DIP2B: variants seen among roughly 807,000 people sequenced by gnomAD.
DIP2B encodes DIP2 acetate--CoA ligase B (putative).
In DIP2B, 76 loss-of-function variants were observed where a neutral mutation model predicts 198.0. The observed-to-expected ratio is 0.38, with a 90% confidence interval of 0.32 to 0.46. The LOEUF is 0.46. DIP2B is among the 20% of genes least tolerant of loss of function. The pLI is 0.99. For synonymous variants in DIP2B, 701 were observed against 739.1 expected, an observed-to-expected ratio of 0.95 and a Z score of 0.84; for missense variants, 1,559 against 1,978.4, an observed-to-expected ratio of 0.79 and a Z score of 4.02.
intron 4 of DIP2B, among the ~76,000 whole-genome samples, chr12:50,661,593 A>G (rs1335924434): frequency 6.6e-6 from 1 of 152,184 alleles, no homozygotes; most frequent in African/African-American, 2.4e-5. Context: ...CTATCACAGT[A>G]AGACAGTTTG....
intron 3 of DIP2B, among the ~76,000 whole-genome samples, chr12:50,657,964 A>G (rs2139509049): frequency 6.6e-6 from 1 of 152,154 alleles, no homozygotes; most frequent in South Asian, 2.1e-4. Flanking sequence ...AATAGTTTGT[A>G]TCAATGTTGA....
intron 1 of DIP2B, among the ~76,000 whole-genome samples, chr12:50,514,610 T>A (rs1278138175): frequency 6.6e-6 from 1 of 152,160 alleles, no homozygotes; most frequent in Non-Finnish European, 1.5e-5. Context: ...CTCTCTTTGT[T>A]TCTTTCATCT....
At chr12:50,602,857 CAA>C (rs71086464) in intron 1 of DIP2B, among the ~76,000 whole-genome samples, 48 of 91,490 alleles carry the variant, frequency 5.2e-4, no homozygotes, top group African/African-American at 1.5e-3. Context: ...GACTCTGTCT[CAA>C]AAAAAAAAAA....
intron 1 of DIP2B, among the ~76,000 whole-genome samples, chr12:50,526,732 G>A (rs1282635664): frequency 3.2e-4 from 1 of 3,106 alleles, no homozygotes; most frequent in Non-Finnish European, 0.011. Flanking sequence ...TGCCTCCCGG[G>A]TTCAAGCGAT....
At chr12:50,506,757 A>G (rs1196967850) in intron 1 of DIP2B, among the ~76,000 whole-genome samples, 1 of 152,226 alleles carries the variant, frequency 6.6e-6, no homozygotes, top group Non-Finnish European at 1.5e-5. Context: ...TCTGTCTCTC[A>G]AGATAACTCA....
At chr12:50,735,771 A>G (rs530287342) in intron 34 of DIP2B, among the ~76,000 whole-genome samples, 3 of 152,256 alleles carry the variant, frequency 2.0e-5, no homozygotes, top group East Asian at 1.9e-4. Context: ...GCCCGGTTCT[A>G]TCTTACAAAC....
chr12:50,592,801 A>G (rs1402530872), intron 1 of DIP2B, among the ~76,000 whole-genome samples: 4 of 152,212 alleles, frequency 2.6e-5, no homozygotes, highest in Non-Finnish European at 2.9e-5. Context: ...TTAGTGGTTC[A>G]TAACTAATAG....
intron 37 of DIP2B, among the ~76,000 whole-genome samples, chr12:50,742,645 C>T (rs1350153543): frequency 6.6e-6 from 1 of 152,154 alleles, no homozygotes; most frequent in Non-Finnish European, 1.5e-5. Context: ...CCTATAATCC[C>T]AGCACTTTGG....
intron 1 of DIP2B, among the ~76,000 whole-genome samples, chr12:50,591,755 C>T (rs1240315754): frequency 6.6e-6 from 1 of 152,006 alleles, no homozygotes. Context: ...CCACCGTGCC[C>T]AGCCATATGA....
chr12:50,704,318 A>G, intron 20 of DIP2B, 98 bp downstream of exon 20: 1 of 1,112,806 alleles, frequency 9.0e-7, no homozygotes, highest in South Asian at 1.7e-5. Flanking sequence ...CAAGAGTGTT[A>G]CAGAACCACT....
At chr12:50,595,301 A>T (rs1418533424) in intron 1 of DIP2B, among the ~76,000 whole-genome samples, 1 of 152,090 alleles carries the variant, frequency 6.6e-6, no homozygotes, top group African/African-American at 2.4e-5. Context: ...TTCATTTTTT[A>T]AAAATTTATT....
intron 2 of DIP2B, among the ~76,000 whole-genome samples, chr12:50,635,441 G>C (rs1356777703): frequency 1.3e-5 from 2 of 152,294 alleles, no homozygotes; most frequent in East Asian, 3.9e-4. Context: ...AGCTTGCCTT[G>C]ATAAGAAGTT....
intron 1 of DIP2B, among the ~76,000 whole-genome samples, chr12:50,561,165 C>T (rs566622377): frequency 6.6e-6 from 1 of 152,270 alleles, no homozygotes; most frequent in Non-Finnish European, 1.5e-5. Context: ...TCTTGCCCTT[C>T]CTCCATGCAG....
intron 1 of DIP2B, among the ~76,000 whole-genome samples, chr12:50,523,116 A>G (rs1958134951): frequency 6.6e-6 from 1 of 152,300 alleles, no homozygotes; most frequent in Non-Finnish European, 1.5e-5. Flanking sequence ...ATGGAAATAT[A>G]TACAGTTGTT....
intron 2 of DIP2B, among the ~76,000 whole-genome samples, chr12:50,630,193 C>T (rs1034210495): frequency 2.0e-5 from 3 of 152,144 alleles, no homozygotes; most frequent in Non-Finnish European, 2.9e-5. Flanking sequence ...TGTGATCCAC[C>T]TGCCTCGGCC....
At chr12:50,619,487 T>A (rs1432934228) in intron 1 of DIP2B, among the ~76,000 whole-genome samples, 2 of 152,148 alleles carry the variant, frequency 1.3e-5, no homozygotes, top group African/African-American at 4.8e-5. Flanking sequence ...CCGTGAAGCA[T>A]TCCTTTCCCT....
chr12:50,620,119 G>T (rs1593661415), intron 1 of DIP2B, among the ~76,000 whole-genome samples: 2 of 152,314 alleles, frequency 1.3e-5, no homozygotes, highest in Admixed American at 1.3e-4. Flanking sequence ...ATGTGGTTCT[G>T]TCTAGCTCAG....
chr12:50,716,716 A>G (rs1389698041), intron 23 of DIP2B, among the ~76,000 whole-genome samples: 1 of 152,198 alleles, frequency 6.6e-6, no homozygotes, highest in East Asian at 1.9e-4. Context: ...GATTTTTAAT[A>G]TTAATCCAGT....
intron 1 of DIP2B, among the ~76,000 whole-genome samples, chr12:50,559,709 C>CCACACACACACA (rs55678718): frequency 0.083 from 11,516 of 139,366 alleles, 571 homozygotes; most frequent in African/African-American, 0.11. Flanking sequence ...GTGACAGAAA[C>CCACACACACACA]CACACACACA....
Sources: allele counts gnomAD v4.1 joint callset (sites outside exome capture counted in the v4.1 genomes callset), GRCh38; gene constraint gnomAD v4.1.1; transcripts MANE v1.5; gene names NCBI Gene and HGNC (gene_info 2026-07-23, HGNC 2026-07-21).